Variants in CPB1 observed in about 807,000 individuals in gnomAD.
CPB1 encodes carboxypeptidase B.
CPB1 carries 53 observed loss-of-function variants against 51.4 expected under a neutral mutation model. The observed-to-expected ratio is 1.03, with a 90% CI of 0.83 to 1.30. The LOEUF (loss-of-function observed/expected upper bound fraction) is 1.30, where lower values mean the gene tolerates loss of function less well. CPB1 is among the 50% of genes most tolerant of loss of function. The pLI is 0.00. For synonymous variants in CPB1, 189 were observed against 186.9 expected, an observed-to-expected ratio of 1.01 and a Z score of -0.09; for missense variants, 494 against 516.2, an observed-to-expected ratio of 0.96 and a Z score of 0.42.
intron 9 of CPB1, among the ~76,000 whole-genome samples, chr3:148,849,520 A>G (rs918543019): frequency 6.6e-6 from 1 of 152,230 alleles, no homozygotes; most frequent in African/African-American, 2.4e-5. Flanking sequence ...TTGGGCAGGA[A>G]GAAGCTCCCA....
chr3:148,859,340 C>T (rs990369655), intron 10 of CPB1, among the ~76,000 whole-genome samples: 1 of 152,224 alleles, frequency 6.6e-6, no homozygotes, highest in African/African-American at 2.4e-5. Flanking sequence ...TATACCTTAT[C>T]TACACCAGGC....
chr3:148,855,423 C>T (rs1455263698), intron 9 of CPB1: 2 of 152,030 alleles, frequency 1.3e-5, no homozygotes, highest in Non-Finnish European at 2.9e-5. Flanking sequence ...CTTCACATGC[C>T]CAGAGTGTGG....
intron 3 of CPB1, among the ~76,000 whole-genome samples, chr3:148,840,331 A>C (rs1713037334): frequency 6.6e-6 from 1 of 152,118 alleles, no homozygotes; most frequent in Admixed American, 6.6e-5. Flanking sequence ...TTTTGAGTAC[A>C]TAGTGTTGTG....
At position 148,833,547 on chromosome 3, in the gene CPB1, TG is replaced by T. The variant is rs1445338667; in HGVS notation, c.148-950del. On this transcript the variant is annotated intron_variant, in intron 2 of 10. Coordinates refer to ENST00000282957, the MANE Select transcript of CPB1 (RefSeq NM_001871.3). ...AGACATATCTCTAGCCCCAAAGCAG[TG>T]CGCAAACATCCGAACAGAGATTGGC... Among the ~76,000 whole-genome samples, 3 of 152,072 alleles carry T rather than the reference TG, an allele frequency of 2.0e-5. No homozygotes were observed. In the East Asian group the frequency reaches 5.8e-4, roughly 29 times the overall value.
rs1269171816 is a variant in CPB1, at chr3:148,834,506, C to T, written c.156C>T (p.Phe52=). The T allele has an allele frequency of 4.3e-6, 7 of 1,613,552 alleles. No homozygotes were observed. Among genetic ancestry groups the T allele is most frequent in the Middle Eastern group, 3.3e-4 (2 of 6,058 alleles). The change falls in exon 3 of 11, where the codon TTC becomes TTT. Residue 52 remains phenylalanine, a synonymous_variant. Transcript: ENST00000282957. ...TCTTGTCCTTTATTCAGATTGACTT[C>T]TGGAAGCCAGATTCTGTCACACAAA... The part of the protein sequence containing the change: ...RELASTTQID[F]WKPDSVTQIK...
At chr3:148,828,679 G>A (rs1712643008) in intron 2 of CPB1, among the ~76,000 whole-genome samples, 1 of 152,142 alleles carries the variant, frequency 6.6e-6, no homozygotes, top group Non-Finnish European at 1.5e-5. Flanking sequence ...ATTTTAAACT[G>A]CGTATACAAT....
At chr3:148,858,371 G>A (rs1713647884) in intron 10 of CPB1, among the ~76,000 whole-genome samples, 1 of 152,100 alleles carries the variant, frequency 6.6e-6, no homozygotes, top group Admixed American at 6.6e-5. Context: ...AGGAGCTCGA[G>A]ACCAGCCTGC....
chr3:148,833,534 A>T (rs973230982), intron 2 of CPB1, among the ~76,000 whole-genome samples: 2 of 152,134 alleles, frequency 1.3e-5, no homozygotes, highest in Non-Finnish European at 2.9e-5. Context: ...ACATATCTCT[A>T]GCCCCAAAGC....
At chr3:148,843,926 A>G (rs1005018480) in intron 6 of CPB1, among the ~76,000 whole-genome samples, 3 of 152,120 alleles carry the variant, frequency 2.0e-5, no homozygotes, top group African/African-American at 7.2e-5. Flanking sequence ...AGCCTCCCCA[A>G]AATCCATGAG....
At chr3:148,858,067 G>T (rs1417528701) in intron 10 of CPB1, among the ~76,000 whole-genome samples, 1 of 152,126 alleles carries the variant, frequency 6.6e-6, no homozygotes, top group Non-Finnish European at 1.5e-5. Context: ...AGGAAGGAGG[G>T]AGATCAGGGC....
At chr3:148,834,944 T>C (rs1039671960) in intron 3 of CPB1, among the ~76,000 whole-genome samples, 1 of 152,318 alleles carries the variant, frequency 6.6e-6, no homozygotes, top group African/African-American at 2.4e-5. Context: ...CAGCTAGACA[T>C]AGTTTTAACC....
At chr3:148,849,832 A>C (rs1713371294) in intron 9 of CPB1, among the ~76,000 whole-genome samples, 1 of 152,238 alleles carries the variant, frequency 6.6e-6, no homozygotes, top group Non-Finnish European at 1.5e-5. Context: ...GGCGAAGCCA[A>C]CACTAGTAGT....
intron 9 of CPB1, chr3:148,854,998 G>A (rs1181541634): frequency 1.3e-5 from 2 of 152,302 alleles, no homozygotes; most frequent in African/African-American, 4.8e-5. Flanking sequence ...AGTCATGGAG[G>A]TCAGGAGAAG....
At chr3:148,835,096 C>T (rs1360198693) in intron 3 of CPB1, among the ~76,000 whole-genome samples, 1 of 152,120 alleles carries the variant, frequency 6.6e-6, no homozygotes, top group Non-Finnish European at 1.5e-5. Context: ...TAAAGTCCCA[C>T]CACTATCTCT....
chr3:148,842,011 C>A, intron 6 of CPB1, 87 bp downstream of exon 6: 6 of 1,042,440 alleles, frequency 5.8e-6, no homozygotes, highest in East Asian at 2.4e-5. Flanking sequence ...AATAATAACA[C>A]AGAAAAAAAT....
At chr3:148,835,259 C>T (rs1295795171) in intron 3 of CPB1, among the ~76,000 whole-genome samples, 2 of 152,170 alleles carry the variant, frequency 1.3e-5, no homozygotes, top group Non-Finnish European at 2.9e-5. Flanking sequence ...TGTCCATTTG[C>T]TGATCCAACA....
At chr3:148,857,201 A>G (rs548055284) in intron 9 of CPB1, 11 of 289,340 alleles carry the variant, frequency 3.8e-5, no homozygotes, top group Non-Finnish European at 7.1e-5. Context: ...TTCTGTTACA[A>G]ACTCTTACAA....
intron 9 of CPB1, chr3:148,851,923 C>T (rs1352063397): frequency 1.3e-5 from 2 of 152,208 alleles, no homozygotes; most frequent in African/African-American, 2.4e-5. Context: ...AGGTCCATTA[C>T]AGGACTTCCA....
intron 9 of CPB1, among the ~76,000 whole-genome samples, chr3:148,847,933 A>C (rs1713305552): frequency 6.6e-6 from 1 of 152,298 alleles, no homozygotes; most frequent in East Asian, 1.9e-4. Flanking sequence ...TCTATTGATT[A>C]AGCTTTTCTC....
Sources: allele counts gnomAD v4.1 joint callset (sites outside exome capture counted in the v4.1 genomes callset), GRCh38; gene constraint gnomAD v4.1.1; transcripts MANE v1.5; gene names NCBI Gene and HGNC (gene_info 2026-07-23, HGNC 2026-07-21).